GPD2: variants seen among roughly 807,000 people sequenced by gnomAD.
GPD2 encodes glycerol-3-phosphate dehydrogenase, mitochondrial.
GPD2 carries 54 observed loss-of-function variants against 82.4 expected under a neutral mutation model. That is an observed-to-expected ratio of 0.66 (90% confidence interval 0.53 to 0.82). GPD2 has a LOEUF of 0.82. Ranked by LOEUF, GPD2 falls within the 40% of genes least tolerant of loss-of-function variation. The pLI, the probability that GPD2 is intolerant of heterozygous loss-of-function variation, is 0.00. For missense variants in GPD2, 748 were observed against 896.2 expected, an observed-to-expected ratio of 0.83 and a Z score of 2.11; for synonymous variants, 288 against 306.1, an observed-to-expected ratio of 0.94 and a Z score of 0.62.
At chr2:156,497,665 A>G (rs1022290660) in intron 3 of GPD2, among the ~76,000 whole-genome samples, 5 of 151,762 alleles carry the variant, frequency 3.3e-5, no homozygotes, top group African/African-American at 9.7e-5. Context: ...CACACACAAA[A>G]GTACCCTAGA....
At chr2:156,469,549 A>G (rs1683257278) in intron 1 of GPD2, among the ~76,000 whole-genome samples, 1 of 152,160 alleles carries the variant, frequency 6.6e-6, no homozygotes, top group Non-Finnish European at 1.5e-5. Context: ...GTTGATGGAC[A>G]CTTAGGTTGA....
intron 1 of GPD2, among the ~76,000 whole-genome samples, chr2:156,444,431 C>T (rs1196419078): frequency 3.3e-5 from 5 of 152,072 alleles, no homozygotes; most frequent in Admixed American, 6.6e-5. Context: ...ATATAGATTC[C>T]GCAGGGGGCA....
At chr2:156,550,319 T>C (rs1686708884) in intron 7 of GPD2, among the ~76,000 whole-genome samples, 1 of 152,238 alleles carries the variant, frequency 6.6e-6, no homozygotes, top group Non-Finnish European at 1.5e-5. Context: ...TCATTCTACT[T>C]TTTCATGTTT....
intron 1 of GPD2, among the ~76,000 whole-genome samples, chr2:156,440,409 A>G (rs1275206213): frequency 6.6e-6 from 1 of 152,232 alleles, no homozygotes; most frequent in African/African-American, 2.4e-5. Flanking sequence ...TGGTTTGAAT[A>G]CCTGAGGATG....
chr2:156,525,911 C>G (rs189635026), intron 6 of GPD2, among the ~76,000 whole-genome samples: 23 of 152,236 alleles, frequency 1.5e-4, no homozygotes, highest in African/African-American at 4.8e-4. Context: ...CTATTCCCTC[C>G]TTCTTTAAAA....
At chr2:156,401,211 C>G in the GPD2 span, among the ~76,000 whole-genome samples, 3 of 152,288 alleles carry the variant, frequency 2.0e-5, no homozygotes, top group Middle Eastern at 3.4e-3. Context: ...CACTGAACCA[C>G]CAATGCTTAT....
intron 9 of GPD2, among the ~76,000 whole-genome samples, chr2:156,565,787 C>G (rs1687366947): frequency 1.3e-5 from 2 of 152,048 alleles, no homozygotes; most frequent in Non-Finnish European, 2.9e-5. Context: ...GAGAAATTAT[C>G]TGTCATCCAA....
the GPD2 span, among the ~76,000 whole-genome samples, chr2:156,412,637 C>G: frequency 6.6e-6 from 1 of 152,164 alleles, no homozygotes; most frequent in Admixed American, 6.5e-5. Context: ...TAAAGCTCTT[C>G]CACAGTGTCT....
At position 156,476,387 on chromosome 2, in the gene GPD2, C is replaced by A. The variant is rs577579835; in HGVS notation, c.102+180C>A. On this transcript the variant is annotated intron_variant, in intron 2 of 16. Transcript: ENST00000438166. ...TGATCCTGGAGAACTGTGTGTATCT[C>A]CTTTTTTAAAAAGTGAATTTCTTTT... Among the ~76,000 whole-genome samples the A allele has an allele frequency of 2.6e-5, 4 of 152,284 alleles. No homozygotes were observed. In the South Asian group the frequency reaches 8.3e-4, roughly 32 times the overall value.
chr2:156,528,900 G>C lies in GPD2; in HGVS notation c.661+15404G>C, dbSNP rs150128751. On this transcript the variant is annotated intron_variant, in intron 6 of 16. Coordinates refer to ENST00000438166, the MANE Select transcript of GPD2 (RefSeq NM_000408.5). The stretch of plus-strand genomic sequence containing the variant: ...CGTGAATAATGCCGCAGTAAACATA[G>C]TGTGCATGTGTCTTTATAGCAGCAT... Among the ~76,000 whole-genome samples the C allele has an allele frequency of 9.8e-3, 1,493 of 152,196 alleles. 31 individuals are homozygous for C. Among genetic ancestry groups the C allele is most frequent in the African/African-American group, 0.034 (1,417 of 41,528 alleles).
chr2:156,567,757 G>A (rs1558965616), intron 9 of GPD2, among the ~76,000 whole-genome samples: 1 of 152,092 alleles, frequency 6.6e-6, no homozygotes, highest in Non-Finnish European at 1.5e-5. Context: ...CTAGGGTCTT[G>A]CCCTTGTACC....
intron 16 of GPD2, among the ~76,000 whole-genome samples, chr2:156,580,527 C>T (rs1687990139): frequency 6.6e-6 from 1 of 152,138 alleles, no homozygotes; most frequent in South Asian, 2.1e-4. Context: ...ATTGGGTTTC[C>T]AAGCAGCTAG....
chr2:156,407,944 A>ATTT, the GPD2 span, among the ~76,000 whole-genome samples: 104 of 56,486 alleles, frequency 1.8e-3, 14 homozygotes, highest in Non-Finnish European at 2.1e-3. Flanking sequence ...CCATGCTGTA[A>ATTT]TTTTTTTTTT....
In GPD2 at chr2:156,476,327, G is replaced by A. The variant is rs543975569; in HGVS notation, c.102+120G>A. On this transcript the variant is annotated intron_variant, in intron 2 of 16. Transcript: ENST00000438166. ...AATTACTTGTGAAGTTTCTCAGTTT[G>A]ATCTGAAAGATACTAATTTAGAACA... 4.2e-6 allele frequency: 3 copies of A among 710,858 alleles called. No homozygotes were observed. In the African/African-American group the frequency reaches 5.2e-5, roughly 12 times the overall value. 44.0% of individuals were successfully genotyped at this position (710,858 alleles called of 1,614,324 possible).
intron 2 of GPD2, among the ~76,000 whole-genome samples, chr2:156,480,662 T>C (rs1426813975): frequency 6.6e-6 from 1 of 151,892 alleles, no homozygotes; most frequent in African/African-American, 2.4e-5. Context: ...GAGGTAAAAC[T>C]TGAGAACCAC....
chr2:156,583,187 C>T lies in GPD2; in HGVS notation c.*269C>T. 3 of 421,098 alleles carry T rather than the reference C, an allele frequency of 7.1e-6. No individual in the cohort carries two copies. 26.1% of individuals were successfully genotyped at this position (421,098 alleles called of 1,614,324 possible). ...ATTAGTTTTGCATCTGTTTTGTGACCTGTTAGATGTGACACATTCTCTTTT... is the reference window on the plus strand; with the variant it reads ...ATTAGTTTTGCATCTGTTTTGTGACTTGTTAGATGTGACACATTCTCTTTT... On this transcript the variant is annotated 3_prime_UTR_variant, in exon 17 of 17. Transcript: ENST00000438166.
At chr2:156,454,808 G>A (rs980480310) in intron 1 of GPD2, among the ~76,000 whole-genome samples, 7 of 152,114 alleles carry the variant, frequency 4.6e-5, no homozygotes, top group Non-Finnish European at 7.4e-5. Context: ...TGTCTTGGGG[G>A]AAATTGGGTA....
At chr2:156,439,893 C>G (rs1364758688) in intron 1 of GPD2, among the ~76,000 whole-genome samples, 1 of 124,638 alleles carries the variant, frequency 8.0e-6, no homozygotes, top group African/African-American at 2.6e-5. Context: ...GATGGCCTGC[C>G]AGTTATTCTA....
At chr2:156,529,778 G>A (rs1470667173) in intron 6 of GPD2, among the ~76,000 whole-genome samples, 3 of 151,628 alleles carry the variant, frequency 2.0e-5, no homozygotes, top group African/African-American at 7.3e-5. Flanking sequence ...TGAGGGCTCT[G>A]TTCTGTTCCA....
Sources: gnomAD v4.1 joint callset for allele counts (sites outside exome capture counted in the v4.1 genomes callset) on GRCh38, gnomAD v4.1.1 for gene constraint, MANE v1.5 for transcripts, NCBI Gene and HGNC (gene_info 2026-07-23, HGNC 2026-07-21) for gene names.